Variants in CNBD1 observed in about 807,000 individuals in gnomAD.
CNBD1 encodes the protein cyclic nucleotide binding domain containing 1.
In CNBD1, 71 loss-of-function variants were observed where a neutral mutation model predicts 54.4. That is an observed-to-expected ratio of 1.30 (90% confidence interval 1.08 to 1.59). The LOEUF (loss-of-function observed/expected upper bound fraction) is 1.59, where lower values mean the gene tolerates loss of function less well. Among genes scored for constraint, CNBD1 ranks in the 40% most tolerant of loss-of-function variants. The probability of loss-of-function intolerance (pLI) is 0.00; values close to 1 mark genes in which losing one functional copy is unlikely to be tolerated. For synonymous variants in CNBD1, 182 were observed against 170.7 expected (o/e 1.07, Z -0.51); for missense variants, 659 against 518.0 (o/e 1.27, Z -2.64).
chr8:87,288,982 C>T (rs1312671824), intron 8 of CNBD1, among the ~76,000 whole-genome samples: 3 of 151,972 alleles, frequency 2.0e-5, no homozygotes, highest in Non-Finnish European at 4.4e-5. Context: ...TAGTGACAAA[C>T]TTGATATATC....
Position 87,317,630 on chromosome 8 carries a change from C to T in CNBD1, c.1042+30959C>T, listed in dbSNP as rs115999048. Among the ~76,000 whole-genome samples, 1,041 of 151,542 alleles carry T rather than the reference C, an allele frequency of 6.9e-3. 11 individuals carry two copies. The highest frequency in any genetic ancestry group is 0.024 in the African/African-American group (982 of 41,350). ...ATCATGTTTTGTATTATTTGAATTG[C>T]CTTAAGTTTATTTAGACTTGTGTTA... On this transcript the variant is annotated intron_variant, in intron 8 of 10. Coordinates refer to ENST00000518476, the MANE Select transcript of CNBD1 (RefSeq NM_173538.3).
intron 4 of CNBD1, among the ~76,000 whole-genome samples, chr8:87,038,805 T>C (rs954684969): frequency 1.3e-5 from 2 of 152,206 alleles, no homozygotes; most frequent in African/African-American, 4.8e-5. Context: ...AAAGGCAAGA[T>C]GGGAGTTGGT....
chr8:86,978,048 A>G (rs946471729), intron 4 of CNBD1, among the ~76,000 whole-genome samples: 1 of 152,194 alleles, frequency 6.6e-6, no homozygotes, highest in Non-Finnish European at 1.5e-5. Flanking sequence ...TCCTCTTTAT[A>G]TTAAAGTAAT....
intron 3 of CNBD1, among the ~76,000 whole-genome samples, chr8:86,911,159 A>C (rs780712368): frequency 2.0e-5 from 3 of 152,230 alleles, no homozygotes; most frequent in Non-Finnish European, 2.9e-5. Context: ...GTTTCCAGGT[A>C]GCCCTTTTCT....
At chr8:87,347,405 A>G (rs896500531) in intron 8 of CNBD1, among the ~76,000 whole-genome samples, 5 of 152,230 alleles carry the variant, frequency 3.3e-5, no homozygotes, top group South Asian at 2.1e-4. Context: ...TGAACAAAAG[A>G]TAAATATCCT....
intron 4 of CNBD1, among the ~76,000 whole-genome samples, chr8:87,013,591 G>T (rs1483703893): frequency 1.3e-5 from 2 of 150,496 alleles, no homozygotes; most frequent in South Asian, 2.1e-4. Flanking sequence ...ACCGCTGTTT[G>T]GATCTAACAG....
At chr8:87,213,492 G>T (rs574996762) in intron 5 of CNBD1, among the ~76,000 whole-genome samples, 1 of 152,150 alleles carries the variant, frequency 6.6e-6, no homozygotes, top group Non-Finnish European at 1.5e-5. Context: ...AGACAAGAGA[G>T]AATGAGACCC....
chr8:87,224,636 G>T (rs527875776), intron 5 of CNBD1, among the ~76,000 whole-genome samples: 5,565 of 151,076 alleles, frequency 0.037, 325 homozygotes, highest in African/African-American at 0.12. Context: ...TGCTGTTTTG[G>T]TTACTGTAGC....
intron 6 of CNBD1, among the ~76,000 whole-genome samples, chr8:87,253,437 G>A (rs1807950559): frequency 6.6e-6 from 1 of 152,132 alleles, no homozygotes; most frequent in Non-Finnish European, 1.5e-5. Flanking sequence ...CAGCCCTCTG[G>A]GTCGTGAGGT....
intron 5 of CNBD1, among the ~76,000 whole-genome samples, chr8:87,213,573 T>C (rs921407168): frequency 6.6e-6 from 1 of 152,136 alleles, no homozygotes; most frequent in African/African-American, 2.4e-5. Flanking sequence ...GACAACAGTA[T>C]GGGAGAAACA....
intron 2 of CNBD1, among the ~76,000 whole-genome samples, chr8:87,420,594 G>A (rs1347247918): frequency 1.3e-5 from 2 of 152,006 alleles, no homozygotes; most frequent in Non-Finnish European, 2.9e-5. Context: ...TTGAGGTAGA[G>A]AGAGACAACC....
intron 4 of CNBD1, among the ~76,000 whole-genome samples, chr8:87,019,499 A>C (rs1809437496): frequency 6.6e-6 from 1 of 152,228 alleles, no homozygotes; most frequent in Admixed American, 6.5e-5. Flanking sequence ...ATAACAATTT[A>C]AACACCAAGA....
At position 87,029,336 on chromosome 8, in the gene CNBD1, A is replaced by G. The variant is rs574264621; in HGVS notation, c.431+89582A>G. On this transcript the variant is annotated intron_variant, in intron 4 of 10. Transcript: ENST00000518476. ...AGTAAACAACAAAGGAATCACAGTCATGGTAATTTTCAGCACTTAGTTGTA... is the reference window on the plus strand; with the variant it reads ...AGTAAACAACAAAGGAATCACAGTCGTGGTAATTTTCAGCACTTAGTTGTA... Among the ~76,000 whole-genome samples, 7 of 152,332 alleles carry G rather than the reference A, an allele frequency of 4.6e-5. No individual in the cohort carries two copies. In the East Asian group the frequency reaches 1.4e-3, roughly 29 times the overall value.
chr8:87,024,772 G>C (rs188830327), intron 4 of CNBD1, among the ~76,000 whole-genome samples: 1 of 152,040 alleles, frequency 6.6e-6, no homozygotes. Context: ...CCTAGATAAC[G>C]AGATAATTTT....
chr8:87,323,084 T>C (rs1397055697), intron 8 of CNBD1, among the ~76,000 whole-genome samples: 2 of 109,600 alleles, frequency 1.8e-5, no homozygotes, highest in African/African-American at 7.0e-5. Flanking sequence ...TTGCTTGTTT[T>C]TCTCAGGTTT....
chr8:86,970,538 A>G (rs1338032955), intron 4 of CNBD1, among the ~76,000 whole-genome samples: 1 of 151,430 alleles, frequency 6.6e-6, no homozygotes, highest in African/African-American at 2.4e-5. Context: ...AGTTTCAGGT[A>G]TGAATGATCT....
chr8:87,363,561 A>T (rs958209835), intron 10 of CNBD1, among the ~76,000 whole-genome samples: 1 of 152,104 alleles, frequency 6.6e-6, no homozygotes, highest in Non-Finnish European at 1.5e-5. Flanking sequence ...CTGGCATGAG[A>T]TGGTATCTCA....
At chr8:87,308,960 G>A (rs1809211439) in intron 8 of CNBD1, among the ~76,000 whole-genome samples, 1 of 152,070 alleles carries the variant, frequency 6.6e-6, no homozygotes, top group Admixed American at 6.6e-5. Context: ...TATTATGTAT[G>A]CATGCCACAT....
At chr8:86,955,294 C>T (rs544891723) in intron 4 of CNBD1, among the ~76,000 whole-genome samples, 16 of 152,202 alleles carry the variant, frequency 1.1e-4, no homozygotes, top group South Asian at 2.1e-4. Flanking sequence ...AAAAAACATA[C>T]GTGTGCATGT....
Sources: allele counts gnomAD v4.1 joint callset (sites outside exome capture counted in the v4.1 genomes callset), GRCh38; gene constraint gnomAD v4.1.1; transcripts MANE v1.5; gene names NCBI Gene and HGNC (gene_info 2026-07-23, HGNC 2026-07-21).